The following VPS13A variants were observed in gnomAD, a reference collection of about 807,000 sequenced individuals.
The protein encoded by VPS13A is intermembrane lipid transfer protein VPS13A.
Under a neutral mutation model 390.9 loss-of-function variants are expected in VPS13A, and 264 were observed. The observed-to-expected ratio is 0.68, with a 90% CI of 0.61 to 0.75. VPS13A has a LOEUF of 0.75. Among genes scored for constraint, VPS13A ranks in the 30% least tolerant of loss-of-function variants. The pLI is 0.00. For missense variants in VPS13A, 3,409 were observed against 3,733.9 expected (o/e 0.91, Z 2.27); for synonymous variants, 1,231 against 1,227.1 (o/e 1.00, Z -0.07).
At chr9:77,229,635 A>G (rs1823711343) in intron 17 of VPS13A, among the ~76,000 whole-genome samples, 1 of 152,116 alleles carries the variant, frequency 6.6e-6, no homozygotes, top group Non-Finnish European at 1.5e-5. Context: ...AGTAATCTCT[A>G]TTATGGACGC....
chr9:77,269,718 G>A (rs1485410551), intron 23 of VPS13A, among the ~76,000 whole-genome samples: 4 of 152,092 alleles, frequency 2.6e-5, no homozygotes, highest in Admixed American at 6.5e-5. Context: ...TTAAGCATCC[G>A]TTTGCTAATA....
chr9:77,297,062 C>T (rs940304314), intron 33 of VPS13A, among the ~76,000 whole-genome samples: 1 of 151,822 alleles, frequency 6.6e-6, no homozygotes, highest in Non-Finnish European at 1.5e-5. Flanking sequence ...TTTTATTGAT[C>T]TTAAGCAGTT....
At chr9:77,247,185 C>T in intron 19 of VPS13A, 74 bp from the exon 20 acceptor site, 2 of 1,247,764 alleles carry the variant, frequency 1.6e-6, no homozygotes, top group Non-Finnish European at 2.2e-6. Flanking sequence ...TTTATCAGTT[C>T]ATATATTTAG....
chr9:77,231,991 CTTG>C (rs1823858020), intron 17 of VPS13A, among the ~76,000 whole-genome samples: 1 of 152,162 alleles, frequency 6.6e-6, no homozygotes, highest in Non-Finnish European at 1.5e-5. Context: ...TCCCCTCACA[CTTG>C]TTGAAGACAC....
chr9:77,227,271 A>G, intron 15 of VPS13A, 120 bp from the exon 16 acceptor site: 3 of 735,674 alleles, frequency 4.1e-6, no homozygotes, highest in South Asian at 1.7e-5. Context: ...TTCAGTGTTT[A>G]TAATTTCTTA....
At chr9:77,209,129 C>A (rs960499817) in intron 5 of VPS13A, among the ~76,000 whole-genome samples, 1 of 152,058 alleles carries the variant, frequency 6.6e-6, no homozygotes, top group South Asian at 2.1e-4. Flanking sequence ...AATTCTTACC[C>A]AATAATCTTC....
chr9:77,213,144 T>G, intron 8 of VPS13A, 90 bp from the exon 9 acceptor site: 1 of 1,527,812 alleles, frequency 6.5e-7, no homozygotes, highest in Non-Finnish European at 9.1e-7. Flanking sequence ...CTCTGTGATA[T>G]GGCTCACTTA....
chr9:77,410,324 C>G (rs1049971761), intron 71 of VPS13A, among the ~76,000 whole-genome samples: 20 of 152,148 alleles, frequency 1.3e-4, no homozygotes, highest in Non-Finnish European at 2.6e-4. Flanking sequence ...ACAACCGGTA[C>G]CAGCCACTGC....
At chr9:77,257,676 G>T (rs1326910903) in intron 22 of VPS13A, among the ~76,000 whole-genome samples, 1 of 152,126 alleles carries the variant, frequency 6.6e-6, no homozygotes, top group Non-Finnish European at 1.5e-5. Flanking sequence ...TAAGGTGGGA[G>T]GATAGCTTGA....
intron 53 of VPS13A, among the ~76,000 whole-genome samples, chr9:77,352,886 CT>C (rs1396409444): frequency 6.6e-6 from 1 of 151,996 alleles, no homozygotes; most frequent in African/African-American, 2.4e-5. Context: ...CTATGTTTAT[CT>C]TGTCATTGAC....
intron 1 of VPS13A, among the ~76,000 whole-genome samples, chr9:77,183,672 C>T (rs557973875): frequency 6.6e-6 from 1 of 152,332 alleles, no homozygotes; most frequent in South Asian, 2.1e-4. Context: ...AACAGTTTGG[C>T]AATTTCTTAA....
intron 1 of VPS13A, among the ~76,000 whole-genome samples, chr9:77,191,403 C>T (rs571374379): frequency 1.8e-4 from 28 of 151,698 alleles, no homozygotes; most frequent in Non-Finnish European, 3.2e-4. Context: ...AAGCAGTCCT[C>T]CCACCTCTCA....
intron 68 of VPS13A, among the ~76,000 whole-genome samples, chr9:77,392,481 G>A (rs995379833): frequency 3.9e-5 from 6 of 151,910 alleles, no homozygotes; most frequent in Non-Finnish European, 7.4e-5. Context: ...CAGTTTCCAG[G>A]TTGTAAAAGA....
intron 20 of VPS13A, 41 bp from the exon 21 acceptor site, chr9:77,250,049 CATTTTGA>C: frequency 5.0e-6 from 8 of 1,598,284 alleles, no homozygotes; most frequent in Non-Finnish European, 6.8e-6. Flanking sequence ...TTTATACTTA[CATTTTGA>C]AGTATTTTGC....
intron 25 of VPS13A, among the ~76,000 whole-genome samples, 174 bp from the exon 26 acceptor site, chr9:77,275,891 G>T (rs1318688950): frequency 6.6e-6 from 1 of 150,434 alleles, no homozygotes; most frequent in Non-Finnish European, 1.5e-5. Context: ...TTGTGAAAAC[G>T]ATTATTTATG....
chr9:77,325,539 TCTTTG>T (rs1226714169), intron 45 of VPS13A, among the ~76,000 whole-genome samples: 2 of 152,026 alleles, frequency 1.3e-5, no homozygotes, highest in Non-Finnish European at 2.9e-5. Context: ...TCTCATTTGT[TCTTTG>T]CTTCCATCTT....
intron 6 of VPS13A, among the ~76,000 whole-genome samples, chr9:77,209,917 A>G (rs928046803): frequency 6.6e-6 from 1 of 152,224 alleles, no homozygotes; most frequent in African/African-American, 2.4e-5. Context: ...TCTCTTAACC[A>G]GATAATTATT....
intron 24 of VPS13A, 141 bp from the exon 25 acceptor site, chr9:77,275,357 T>C: frequency 1.3e-6 from 1 of 784,370 alleles, no homozygotes; most frequent in Non-Finnish European, 2.0e-6. Context: ...TATATTATTT[T>C]CTGTTTATTT....
rs536547098 is a variant in VPS13A, at chr9:77,177,915, A to T, written c.100+111A>T. ...TTCGAGCACCTTGCTCGCCGGGTGC[A>T]GCCACCTGCCGCCGCCCGCCTGTGG... is the stretch of plus-strand genomic sequence containing the variant. On this transcript the variant is annotated intron_variant, in intron 1 of 71. Transcript: ENST00000360280. 10 of 950,068 alleles carry T rather than the reference A, an allele frequency of 1.1e-5. No individual in the cohort carries two copies. The South Asian group carries it at 1.3e-4, about 13-fold the overall frequency. 58.9% of individuals were successfully genotyped at this position (950,068 alleles called of 1,614,324 possible). A position where few individuals can be genotyped will look rare whatever the true frequency, so the allele number is the denominator to read the frequency against.
Sources: allele counts gnomAD v4.1 joint callset (sites outside exome capture counted in the v4.1 genomes callset), GRCh38; gene constraint gnomAD v4.1.1; transcripts MANE v1.5; gene names NCBI Gene and HGNC (gene_info 2026-07-23, HGNC 2026-07-21).